ARRDC1: variants seen among roughly 807,000 people sequenced by gnomAD.
ARRDC1 encodes the protein arrestin domain containing 1.
Under a neutral mutation model 40.1 loss-of-function variants are expected in ARRDC1, and 37 were observed. The observed-to-expected ratio is 0.92, with a 90% CI of 0.71 to 1.21. The LOEUF is 1.21. Ranked by LOEUF, ARRDC1 falls within the 50% of genes most tolerant of loss-of-function variation. The pLI, the probability that ARRDC1 is intolerant of heterozygous loss-of-function variation, is 0.00. For synonymous variants in ARRDC1, 310 were observed against 262.5 expected (o/e 1.18, Z -1.75); for missense variants, 641 against 581.9 (o/e 1.10, Z -1.04).
At chr9:137,609,232 C>G (rs774752721) in intron 1 of ARRDC1, among the ~76,000 whole-genome samples, 7 of 151,962 alleles carry the variant, frequency 4.6e-5, no homozygotes, top group Non-Finnish European at 1.0e-4. Context: ...TGTGTTGAGA[C>G]ATTTATTTAT....
At chr9:137,610,079 G>A (rs1434150783) in intron 1 of ARRDC1, among the ~76,000 whole-genome samples, 1 of 152,102 alleles carries the variant, frequency 6.6e-6, no homozygotes, top group African/African-American at 2.4e-5. Flanking sequence ...CTCCCACAGT[G>A]CTGGGATTAC....
rs1452100750 is a variant in ARRDC1, at chr9:137,614,665, C to T, written c.902C>T (p.Pro301Leu). The change falls in exon 7 of 8, where the codon CCT (proline) becomes CTT (leucine). Residue 301 changes from proline to leucine, a missense_variant. Pro to Leu is a moderately conservative substitution (Grantham distance 98, BLOSUM62 -3). Transcript: ENST00000371421. Reference protein sequence around the residue: ...VSPRPGLGLPPGAPPLVVPSA... With the variant: ...VSPRPGLGLPLGAPPLVVPSA... ...CCCCGGCCAGGCCTGGGGCTGCCTC[C>T]TGGGGCCCCACCCCTGGTGGTGCCT... 2 of 1,612,730 alleles carry T rather than the reference C, an allele frequency of 1.2e-6. No homozygotes were observed. The highest frequency in any genetic ancestry group is 1.3e-5 in the African/African-American group (1 of 75,002).
intron 1 of ARRDC1, among the ~76,000 whole-genome samples, chr9:137,607,073 G>T (rs1263635247): frequency 3.9e-5 from 6 of 152,252 alleles, no homozygotes; most frequent in Non-Finnish European, 7.3e-5. Context: ...AAGAGCCGAG[G>T]GAGCACTGGC....
chr9:137,614,757 G>C lies in ARRDC1; in HGVS notation c.994G>C (p.Val332Leu). The change falls in exon 7 of 8, where the codon GTC becomes CTC. Residue 332 changes from valine to leucine, a missense_variant. Physicochemically the swap from Val to Leu is conservative, Grantham distance 32 (BLOSUM62 1). Coordinates refer to ENST00000371421, the MANE Select transcript of ARRDC1 (RefSeq NM_152285.4). ...AAGGPHFLDP[V>L]FLSTKSHSQR... ...TGGCGGCCCCCACTTCTTGGACCCC[G>C]TCTTCCTCTCCACCAAGAGCCATTC... 6.2e-7 allele frequency: 1 copy of C among 1,610,282 alleles called. No homozygotes were observed. Among genetic ancestry groups the C allele is most frequent in the African/African-American group, 1.3e-5 (1 of 74,960 alleles).
chr9:137,614,508 G>A, intron 6 of ARRDC1, 33 bp downstream of exon 6: 3 of 1,613,082 alleles, frequency 1.9e-6, no homozygotes, highest in Non-Finnish European at 2.5e-6. Flanking sequence ...GTGGTCTGAG[G>A]CCTAGTGGCC....
intron 1 of ARRDC1, among the ~76,000 whole-genome samples, chr9:137,607,688 G>A (rs1842447289): frequency 6.6e-6 from 1 of 152,220 alleles, no homozygotes; most frequent in Non-Finnish European, 1.5e-5. Flanking sequence ...TTACTCTCAT[G>A]ATACAGATTT....
chr9:137,613,106 G>A, intron 2 of ARRDC1, 100 bp downstream of exon 2: 1 of 970,328 alleles, frequency 1.0e-6, no homozygotes, highest in Non-Finnish European at 1.6e-6. Context: ...TCTGCCTCTT[G>A]GATCTGGCAC....
chr9:137,612,870 GGCTCAT>G lies in ARRDC1; in HGVS notation c.119-23_119-18del. On this transcript the variant is annotated intron_variant, in intron 1 of 7. Coordinates refer to ENST00000371421, the MANE Select transcript of ARRDC1 (RefSeq NM_152285.4). Reference sequence around the variant, plus strand: ...GGGGCCTGGGCCGTCGGCTGGCTGGGGCTCATGCAGCCATCCCCTTTGCAGCCATCC... The same window carrying G: ...GGGGCCTGGGCCGTCGGCTGGCTGGGGCAGCCATCCCCTTTGCAGCCATCC... 1 of 1,582,624 alleles carries G rather than the reference GGCTCAT, an allele frequency of 6.3e-7. No individual in the cohort carries two copies. The highest frequency in any genetic ancestry group is 8.7e-7 in the Non-Finnish European group (1 of 1,153,338).
intron 1 of ARRDC1, among the ~76,000 whole-genome samples, chr9:137,606,954 C>A (rs1842434186): frequency 6.6e-6 from 1 of 152,200 alleles, no homozygotes; most frequent in African/African-American, 2.4e-5. Flanking sequence ...GGGACGGCCC[C>A]GCGGTGCGTG....
chr9:137,613,522 G>C lies in ARRDC1; in HGVS notation c.280+12G>C, dbSNP rs1842581914. ...GTTCCTGCTTCCTGGTGAGAGCCCAGCCTGGACAGGCCTGGTGATGACCAA... is the reference window on the plus strand; with the variant it reads ...GTTCCTGCTTCCTGGTGAGAGCCCACCCTGGACAGGCCTGGTGATGACCAA... On this transcript the variant is annotated intron_variant, in intron 3 of 7. Transcript: ENST00000371421. 2.5e-6 allele frequency: 4 copies of C among 1,613,842 alleles called. No homozygotes were observed. The highest frequency in any genetic ancestry group is 3.4e-6 in the Non-Finnish European group (4 of 1,179,962).
At position 137,614,202 on chromosome 9, in the gene ARRDC1, C is replaced by T; in HGVS notation, c.606C>T (p.Ala202=). 6.3e-7 allele frequency: 1 copy of T among 1,595,836 alleles called. No homozygotes were observed. The highest frequency in any genetic ancestry group is 8.6e-7 in the Non-Finnish European group (1 of 1,167,606). The change falls in exon 5 of 8, where the codon GCC becomes GCT. Residue 202 remains alanine, a synonymous_variant. Transcript: ENST00000371421. ...GCAAGGACACCAGCCCTGTGGTGGC[C>T]AGTCTGCTGCAGGTCAGAGCCCCCG... ...QSGKDTSPVV[A]SLLQKVSYKA...
chr9:137,612,929 T>A lies in ARRDC1; in HGVS notation c.152T>A (p.Val51Asp), dbSNP rs1256296780. 1 of 1,613,946 alleles carries A rather than the reference T, an allele frequency of 6.2e-7. No homozygotes were observed. The highest frequency in any genetic ancestry group is 1.1e-5 in the South Asian group (1 of 91,070). Residue 51 changes from valine (V) to aspartate (D), a missense_variant, in exon 2 of 8, where the codon GTC becomes GAC. By Grantham distance (152) the Val-to-Asp change is radical. Coordinates refer to ENST00000371421, the MANE Select transcript of ARRDC1 (RefSeq NM_152285.4). ...IRVTCIGSCG[V>D]SNKANDTAWV... ...GTGACCTGCATAGGTTCCTGCGGGGTCTCCAACAAGGCTAATGACACAGCG... is the reference window on the plus strand; with the variant it reads ...GTGACCTGCATAGGTTCCTGCGGGGACTCCAACAAGGCTAATGACACAGCG...
intron 1 of ARRDC1, among the ~76,000 whole-genome samples, chr9:137,610,112 C>CG (rs2133331990): frequency 6.6e-6 from 1 of 152,318 alleles, no homozygotes; most frequent in South Asian, 2.1e-4. Flanking sequence ...TGCGCCCGGC[C>CG]GGGTTTTCTG....
In ARRDC1 at chr9:137,613,450, G is replaced by T; in HGVS notation, c.230-10G>T. 6.2e-7 allele frequency: 1 copy of T among 1,610,362 alleles called. No individual in the cohort carries two copies. On this transcript the variant is annotated splice_polypyrimidine_tract_variant and intron_variant, in intron 2 of 7. Coordinates refer to ENST00000371421, the MANE Select transcript of ARRDC1 (RefSeq NM_152285.4). Reference sequence around the variant, plus strand: ...GGGGACTGCCCCCCACCTCCCTCCTGTCTCTGCAGGGAGCCTGCCCGCTGG... The same window carrying T: ...GGGGACTGCCCCCCACCTCCCTCCTTTCTCTGCAGGGAGCCTGCCCGCTGG...
Position 137,612,936 on chromosome 9 carries a change from C to A in ARRDC1, c.159C>A (p.Asn53Lys). ...VTCIGSCGVS[N>K]KANDTAWVVE... ...GCATAGGTTCCTGCGGGGTCTCCAA[C>A]AAGGCTAATGACACAGCGTGGGTAG... The change falls in exon 2 of 8, where the codon AAC (asparagine) becomes AAA (lysine). Residue 53 changes from asparagine to lysine, a missense_variant. Physicochemically the swap from Asn to Lys is moderately conservative, Grantham distance 94. Coordinates refer to ENST00000371421, the MANE Select transcript of ARRDC1 (RefSeq NM_152285.4). The A allele has an allele frequency of 1.9e-6, 3 of 1,614,184 alleles. No individual in the cohort carries two copies. Among genetic ancestry groups the A allele is most frequent in the Non-Finnish European group, 2.5e-6 (3 of 1,180,012 alleles).
At chr9:137,610,027 G>A (rs949732565) in intron 1 of ARRDC1, among the ~76,000 whole-genome samples, 1 of 151,826 alleles carries the variant, frequency 6.6e-6, no homozygotes, top group African/African-American at 2.4e-5. Context: ...TGTCAGCCAG[G>A]ATGATCTCGA....
At position 137,606,876 on chromosome 9, in the gene ARRDC1, G is replaced by A. The variant is rs148898105; in HGVS notation, c.118+1041G>A. Among the ~76,000 whole-genome samples, 10 of 152,340 alleles carry A rather than the reference G, an allele frequency of 6.6e-5. No homozygotes were observed. In the East Asian group the frequency reaches 1.9e-3, roughly 29 times the overall value. The stretch of plus-strand genomic sequence containing the variant: ...GCCGGCTGGATCCTGGTTGAGGGCT[G>A]TGCAGGACCCTGTCGTCCTTCCCCT... On this transcript the variant is annotated intron_variant, in intron 1 of 7. Coordinates refer to ENST00000371421, the MANE Select transcript of ARRDC1 (RefSeq NM_152285.4).
intron 1 of ARRDC1, among the ~76,000 whole-genome samples, chr9:137,608,207 TCCTGACCTCGTGATCCG>T (rs1166501603): frequency 6.6e-6 from 1 of 152,160 alleles, no homozygotes; most frequent in East Asian, 1.9e-4. Context: ...GGTCTGGATC[TCCTGACCTCGTGATCCG>T]CCCGCCTCGG....
At chr9:137,609,958 C>T (rs573699840) in intron 1 of ARRDC1, among the ~76,000 whole-genome samples, 10 of 152,242 alleles carry the variant, frequency 6.6e-5, no homozygotes, top group African/African-American at 2.2e-4. Context: ...GGACTACAGG[C>T]GCCCGCCACC....
Sources: allele counts gnomAD v4.1 joint callset (sites outside exome capture counted in the v4.1 genomes callset), GRCh38; gene constraint gnomAD v4.1.1; transcripts MANE v1.5; gene names NCBI Gene and HGNC (gene_info 2026-07-23, HGNC 2026-07-21).